The following TDO2 variants were observed in gnomAD, a reference collection of about 807,000 sequenced individuals.
TDO2 encodes the protein tryptophan 2,3-dioxygenase, also known as tryptamin 2,3-dioxygenase.
Under a neutral mutation model 61.2 loss-of-function variants are expected in TDO2, and 63 were observed. That is an observed-to-expected ratio of 1.03 (90% CI 0.84 to 1.27). The LOEUF is 1.27. TDO2 is among the 50% of genes most tolerant of loss of function. TDO2 has a pLI of 0.00. For synonymous variants in TDO2, 183 were observed against 164.0 expected (o/e 1.12, Z -0.89); for missense variants, 494 against 469.5 (o/e 1.05, Z -0.48).
Position 155,918,256 on chromosome 4 carries a change from T to G in TDO2, c.1067+17T>G, listed in dbSNP as rs781225792. ...AACTGTGAGGTAGGTGGGGAAATTC[T>G]CCTTTCTTCCTGGTGGCAGTCACCA... On this transcript the variant is annotated intron_variant, in intron 11 of 11. Transcript: ENST00000536354. 2 of 1,611,720 alleles carry G rather than the reference T, an allele frequency of 1.2e-6. No homozygotes were observed. Among genetic ancestry groups the G allele is most frequent in the Admixed American group, 3.3e-5 (2 of 59,948 alleles).
At chr4:155,912,769 T>C (rs1294739405) in intron 7 of TDO2, among the ~76,000 whole-genome samples, 2 of 152,114 alleles carry the variant, frequency 1.3e-5, no homozygotes, top group African/African-American at 4.8e-5. Flanking sequence ...ATATATCCCC[T>C]TAGATTTCAG....
chr4:155,914,509 A>G (rs1742895443), intron 8 of TDO2, 75 bp downstream of exon 8: 2 of 978,292 alleles, frequency 2.0e-6, no homozygotes, highest in East Asian at 6.0e-5. Flanking sequence ...TTATAAGACT[A>G]TCAAGCCTTA....
chr4:155,905,146 T>C lies in TDO2; in HGVS notation c.221T>C (p.Ile74Thr). The change falls in exon 3 of 12, where the codon ATA becomes ACA. Residue 74 changes from isoleucine (I) to threonine (T), a missense_variant. Transcript: ENST00000536354. ...ATCCATGATGAACATCTTTTTATCA[T>C]AACTCATCAAGGTAAGTTGCACAAA... ...NKIHDEHLFI[I>T]THQAYELWFK... is the part of the protein sequence containing the mutation. 6.3e-7 allele frequency: 1 copy of C among 1,591,338 alleles called. No homozygotes were observed. Among genetic ancestry groups the C allele is most frequent in the Non-Finnish European group, 8.5e-7 (1 of 1,169,610 alleles).
At chr4:155,911,702 CAT>C (rs1742835726) in intron 7 of TDO2, 98 bp downstream of exon 7, 1 of 783,852 alleles carries the variant, frequency 1.3e-6, no homozygotes, top group Non-Finnish European at 1.9e-6. Flanking sequence ...TTCTCTTTCT[CAT>C]ATTTTTTTCT....
At chr4:155,915,257 C>T (rs1472032556) in intron 8 of TDO2, among the ~76,000 whole-genome samples, 2 of 152,204 alleles carry the variant, frequency 1.3e-5, no homozygotes, top group Middle Eastern at 3.4e-3. Flanking sequence ...ACTTTTATAA[C>T]ACAAGTACGA....
chr4:155,904,095 G>A lies in TDO2; in HGVS notation c.113G>A (p.Gly38Glu), dbSNP rs1045388641. The stretch of plus-strand genomic sequence containing the variant: ...ACTGGTGTGAATAGAGCCAGCAAAG[G>A]AGGTCTTATCTATGGGAACTACCTG... ...SQTGVNRASK[G>E]GLIYGNYLHL... is the part of the protein sequence containing the mutation. The change falls in exon 2 of 12, where the codon GGA (glycine) becomes GAA (glutamate). Residue 38 changes from glycine to glutamate, a missense_variant. Transcript: ENST00000536354. The A allele has an allele frequency of 2.5e-6, 4 of 1,613,894 alleles. No individual in the cohort carries two copies. Among genetic ancestry groups the A allele is most frequent in the African/African-American group, 2.7e-5 (2 of 74,898 alleles).
chr4:155,916,147 C>T (rs1278995153), intron 9 of TDO2, among the ~76,000 whole-genome samples: 2 of 141,184 alleles, frequency 1.4e-5, no homozygotes, highest in East Asian at 4.3e-4. Flanking sequence ...AAACACTACA[C>T]AAATTAATCA....
intron 2 of TDO2, 38 bp from the exon 3 acceptor site, chr4:155,905,029 C>G (rs1742693895): frequency 6.9e-7 from 1 of 1,447,330 alleles, no homozygotes; most frequent in Admixed American, 2.3e-5. Flanking sequence ...AAACCAAGTT[C>G]TGCAATTTCA....
chr4:155,914,580 T>C, intron 8 of TDO2, 146 bp downstream of exon 8: 1 of 589,374 alleles, frequency 1.7e-6, no homozygotes, highest in Non-Finnish European at 2.8e-6. Flanking sequence ...GGAGTAAATG[T>C]TTTTGGTGAT....
At chr4:155,907,659 C>A in intron 3 of TDO2, 63 bp from the exon 4 acceptor site, 1 of 1,024,548 alleles carries the variant, frequency 9.8e-7, no homozygotes. Context: ...ACATATCTTT[C>A]ATATAATAAT....
chr4:155,905,617 G>GTT (rs3839139), intron 3 of TDO2: 6 of 152,036 alleles, frequency 3.9e-5, no homozygotes, highest in East Asian at 1.9e-4. Context: ...TGGGCAGTGG[G>GTT]TTTTTTTTTA....
rs760077589 is a variant in TDO2 at position 155,917,492 on chromosome 4, A to G, written c.976+18A>G. On this transcript the variant is annotated intron_variant, in intron 10 of 11. Coordinates refer to ENST00000536354, the MANE Select transcript of TDO2 (RefSeq NM_005651.4). ...ATGGAGATGTAAGTCCTTCCCACTCACCCCATGTTGCTTCCCCACATGCTG... is the reference window on the plus strand; with the variant it reads ...ATGGAGATGTAAGTCCTTCCCACTCGCCCCATGTTGCTTCCCCACATGCTG... 1 of 1,589,642 alleles carries G rather than the reference A, an allele frequency of 6.3e-7. No individual in the cohort carries two copies. Among genetic ancestry groups the G allele is most frequent in the East Asian group, 2.3e-5 (1 of 43,726 alleles).
intron 6 of TDO2, 102 bp from the exon 7 acceptor site, chr4:155,911,395 G>A: frequency 1.4e-6 from 1 of 707,296 alleles, no homozygotes; most frequent in Non-Finnish European, 2.2e-6. Flanking sequence ...ATATGTTTCT[G>A]GAAACCATGA....
At position 155,908,871 on chromosome 4, in the gene TDO2, A is replaced by G. The variant is rs72681567; in HGVS notation, c.304-16A>G. 0.069 allele frequency: 111,145 copies of G among 1,604,080 alleles called. 4,622 individuals carry two copies. Among genetic ancestry groups the G allele is most frequent in the South Asian group, 0.14 (12,744 of 89,416 alleles). On this transcript the variant is annotated splice_polypyrimidine_tract_variant and intron_variant, in intron 4 of 11. Transcript: ENST00000536354. ...GTCAGCATTGCTAACTCAGTGTTTC[A>G]TTTCTTAACCTTCAGGTCAGAGATG...
At chr4:155,917,583 T>C (rs1742966413) in intron 10 of TDO2, 109 bp downstream of exon 10, 2 of 872,474 alleles carry the variant, frequency 2.3e-6, no homozygotes, top group African/African-American at 1.7e-5. Context: ...TCCCCCTCCT[T>C]TGTGTGTGGG....
At chr4:155,916,903 A>G (rs1387740859) in intron 9 of TDO2, among the ~76,000 whole-genome samples, 2 of 152,242 alleles carry the variant, frequency 1.3e-5, no homozygotes, top group South Asian at 2.1e-4. Flanking sequence ...CCAATTAGGC[A>G]TATGTGTCCT....
chr4:155,909,105 A>G, intron 5 of TDO2, 91 bp downstream of exon 5: 1 of 1,342,716 alleles, frequency 7.4e-7, no homozygotes, highest in Non-Finnish European at 9.8e-7. Context: ...TTGTGCCATG[A>G]GGAGCCTGTC....
chr4:155,908,227 G>A (rs777600467), intron 4 of TDO2, among the ~76,000 whole-genome samples: 2 of 152,126 alleles, frequency 1.3e-5, no homozygotes, highest in African/African-American at 2.4e-5. Context: ...GGAAGAAAAG[G>A]GGGAAAAGGG....
At chr4:155,915,741 A>G in intron 8 of TDO2, 114 bp from the exon 9 acceptor site, 1 of 754,026 alleles carries the variant, frequency 1.3e-6, no homozygotes, top group Non-Finnish European at 2.1e-6. Context: ...ACTGAAACTT[A>G]TATTGATTTC....
Sources: gnomAD v4.1 joint callset for allele counts (sites outside exome capture counted in the v4.1 genomes callset) on GRCh38, gnomAD v4.1.1 for gene constraint, MANE v1.5 for transcripts, NCBI Gene and HGNC (gene_info 2026-07-23, HGNC 2026-07-21) for gene names.